CALN1: variants seen among roughly 807,000 people sequenced by gnomAD.
CALN1 encodes the protein calneuron 1, also known as calcium-binding protein 8.
Under a neutral mutation model 30.6 loss-of-function variants are expected in CALN1, and 17 were observed. That is an observed-to-expected ratio of 0.56 (90% CI 0.38 to 0.83). The LOEUF (loss-of-function observed/expected upper bound fraction) is 0.83, where lower values mean the gene tolerates loss of function less well. CALN1 is among the 40% of genes least tolerant of loss of function. The pLI is 0.00. For synonymous variants in CALN1, 156 were observed against 131.4 expected (o/e 1.19, Z -1.28); for missense variants, 291 against 354.9 (o/e 0.82, Z 1.45).
chr7:72,294,346 G>C (rs1798700863), intron 2 of CALN1, among the ~76,000 whole-genome samples: 1 of 152,184 alleles, frequency 6.6e-6, no homozygotes, highest in African/African-American at 2.4e-5. Flanking sequence ...CCAAGTGAAA[G>C]ATGATGAAGG....
intron 1 of CALN1, among the ~76,000 whole-genome samples, chr7:72,441,638 A>C (rs1231697869): frequency 6.6e-6 from 1 of 150,490 alleles, no homozygotes; most frequent in Non-Finnish European, 1.5e-5. Flanking sequence ...AGAATGAGCT[A>C]TAAGTCTTGG....
At chr7:72,390,730 C>T (rs1355005833) in intron 2 of CALN1, among the ~76,000 whole-genome samples, 6 of 152,190 alleles carry the variant, frequency 3.9e-5, no homozygotes, top group African/African-American at 1.4e-4. Flanking sequence ...ACCCTAACAG[C>T]ACTTCAAAAT....
chr7:72,184,365 GTAA>G lies in CALN1; in HGVS notation c.245-78074_245-78072del, dbSNP rs1211555649. ...GTTTCCCCATCTTTAAATGCAGGCA[GTAA>G]TACTACCCTCTCTCATGTTGTAAGC... On this transcript the variant is annotated intron_variant, in intron 3 of 6. Coordinates refer to ENST00000395275, the MANE Select transcript of CALN1 (RefSeq NM_031468.4). 7.2e-5 allele frequency among the ~76,000 whole-genome samples: 11 copies of G among 152,296 alleles called. No homozygotes were observed. In the East Asian group the frequency reaches 1.9e-3, roughly 27 times the overall value.
At chr7:72,218,007 T>C (rs1322927889) in intron 3 of CALN1, among the ~76,000 whole-genome samples, 1 of 151,320 alleles carries the variant, frequency 6.6e-6, no homozygotes, top group Non-Finnish European at 1.5e-5. Flanking sequence ...TGCGCCCAGA[T>C]AGTTTTTTGT....
At chr7:72,328,100 T>A (rs113487062) in intron 2 of CALN1, among the ~76,000 whole-genome samples, 3 of 145,890 alleles carry the variant, frequency 2.1e-5, no homozygotes, top group African/African-American at 5.4e-5. Flanking sequence ...TCTGTATAGC[T>A]TTTAATTTCT....
rs1034906901 is a variant in CALN1, at chr7:72,307,473, G to A, written c.120-28663C>T. Among the ~76,000 whole-genome samples the A allele has an allele frequency of 5.3e-5, 8 of 152,328 alleles. No homozygotes were observed. In the East Asian group the frequency reaches 7.7e-4, roughly 15 times the overall value. ...GGTCAGTTCATTCACTCGGTCGCTC[G>A]TGCAGTGCAGTGGGCATTTAACGCA... On this transcript the variant is annotated intron_variant, in intron 2 of 6. Transcript: ENST00000395275.
In CALN1 at chr7:72,399,579, C is replaced by T. The variant is rs572081506; in HGVS notation, c.119+3672G>A. On this transcript the variant is annotated intron_variant, in intron 2 of 6. Transcript: ENST00000395275. ...CCACCGTGCCTGACCTAACCTATTG[C>T]TTTTGTTCCGTAAGTCACAGTTCAC... 2.0e-5 allele frequency among the ~76,000 whole-genome samples: 3 copies of T among 152,248 alleles called. No homozygotes were observed. The South Asian group carries it at 6.2e-4, about 32-fold the overall frequency.
At chr7:72,397,294 G>C (rs565380430) in intron 2 of CALN1, among the ~76,000 whole-genome samples, 2 of 152,322 alleles carry the variant, frequency 1.3e-5, no homozygotes, top group East Asian at 1.9e-4. Flanking sequence ...ATGCCAGAGA[G>C]AGGCAGGTTG....
chr7:72,295,899 T>A (rs1438646717), intron 2 of CALN1, among the ~76,000 whole-genome samples: 1 of 151,776 alleles, frequency 6.6e-6, no homozygotes, highest in Non-Finnish European at 1.5e-5. Context: ...TCCAACACTA[T>A]GTTGAATAGG....
chr7:71,860,146 C>T lies in CALN1; in HGVS notation c.502-49654G>A, dbSNP rs200639571. On this transcript the variant is annotated intron_variant, in intron 5 of 6. Coordinates refer to ENST00000395275, the MANE Select transcript of CALN1 (RefSeq NM_031468.4). The stretch of plus-strand genomic sequence containing the variant: ...TTGTACCTAGGGTGGGTGCATTCCT[C>T]CTTTCGGGAAAGCCCTGCTCTGCCT... Among the ~76,000 whole-genome samples, 47 of 152,152 alleles carry T rather than the reference C, an allele frequency of 3.1e-4. No homozygotes were observed. The East Asian group carries it at 7.5e-3, about 24-fold the overall frequency.
At chr7:71,864,230 G>A (rs1452064251) in intron 5 of CALN1, among the ~76,000 whole-genome samples, 1 of 152,186 alleles carries the variant, frequency 6.6e-6, no homozygotes. Context: ...TTCACTTGAG[G>A]ATGGGATATC....
chr7:72,438,269 T>C (rs1360915620), intron 1 of CALN1, among the ~76,000 whole-genome samples: 1 of 152,028 alleles, frequency 6.6e-6, no homozygotes, highest in Non-Finnish European at 1.5e-5. Flanking sequence ...CATGCACCAC[T>C]ATCCCTGGCT....
intron 5 of CALN1, among the ~76,000 whole-genome samples, chr7:71,826,960 G>A (rs1445806310): frequency 6.6e-6 from 1 of 152,154 alleles, no homozygotes; most frequent in African/African-American, 2.4e-5. Context: ...CTGAACACAT[G>A]TCAACATCAA....
chr7:72,028,045 C>T (rs1481461287), intron 4 of CALN1, among the ~76,000 whole-genome samples: 1 of 117,432 alleles, frequency 8.5e-6, no homozygotes, highest in East Asian at 2.5e-4. Flanking sequence ...GGCGACAGAG[C>T]GAGACTCCGT....
chr7:72,086,872 T>C (rs1470636562), intron 4 of CALN1, among the ~76,000 whole-genome samples: 1 of 152,198 alleles, frequency 6.6e-6, no homozygotes, highest in African/African-American at 2.4e-5. Context: ...TCAATTATCG[T>C]AAATTCAATT....
chr7:72,395,858 A>AG (rs958034612), intron 2 of CALN1, among the ~76,000 whole-genome samples: 33 of 152,178 alleles, frequency 2.2e-4, no homozygotes, highest in Non-Finnish European at 3.8e-4. Flanking sequence ...GGACCTTGGC[A>AG]GGGATGTCAG....
At chr7:72,274,639 T>C (rs1022276012) in intron 3 of CALN1, among the ~76,000 whole-genome samples, 1 of 152,196 alleles carries the variant, frequency 6.6e-6, no homozygotes, top group Admixed American at 6.5e-5. Context: ...ATATTGCTAA[T>C]AAATCTGGTA....
intron 2 of CALN1, among the ~76,000 whole-genome samples, chr7:72,382,411 G>C (rs1267128255): frequency 6.6e-6 from 1 of 152,226 alleles, no homozygotes; most frequent in Non-Finnish European, 1.5e-5. Flanking sequence ...CAAAGAGTGA[G>C]TGACAGACTG....
the CALN1 span, among the ~76,000 whole-genome samples, chr7:72,472,761 G>A: frequency 1.1e-4 from 17 of 152,174 alleles, no homozygotes; most frequent in Middle Eastern, 3.4e-3. Context: ...CAGCCTGAGC[G>A]ACAGAGGGAG....
Sources: allele counts gnomAD v4.1 joint callset (sites outside exome capture counted in the v4.1 genomes callset), GRCh38; gene constraint gnomAD v4.1.1; transcripts MANE v1.5; gene names NCBI Gene and HGNC (gene_info 2026-07-23, HGNC 2026-07-21).